Variants in ITFG1 observed in about 807,000 individuals in gnomAD.
ITFG1 encodes integrin alpha FG-GAP repeat containing 1.
A neutral mutation model predicts 81.8 loss-of-function variants in ITFG1; 34 were observed. The ratio of observed to expected loss-of-function variants is 0.42; its 90% CI spans 0.32 to 0.55. The LOEUF (loss-of-function observed/expected upper bound fraction) is 0.55, where lower values mean the gene tolerates loss of function less well. Among genes scored for constraint, ITFG1 ranks in the 20% least tolerant of loss-of-function variants. The pLI is 0.17. For missense variants in ITFG1, 672 were observed against 755.4 expected, an observed-to-expected ratio of 0.89 and a Z score of 1.29; for synonymous variants, 285 against 270.6, an observed-to-expected ratio of 1.05 and a Z score of -0.52.
chr16:47,319,486 T>C (rs1967415814), intron 8 of ITFG1, among the ~76,000 whole-genome samples: 1 of 152,208 alleles, frequency 6.6e-6, no homozygotes, highest in African/African-American at 2.4e-5. Flanking sequence ...GCTTGCAACT[T>C]AATCTCACCA....
rs761951559 is a variant in ITFG1, at chr16:47,155,811, G to GTA, written c.1780-35_1780-34dup. On this transcript the variant is annotated intron_variant, in intron 17 of 17. Transcript: ENST00000320640. ...AGAATTTTAGACTCGTTTATAAATGGTAGAAAGATGTTATGAAAAGACTCA... is the reference window on the plus strand; with the variant it reads ...AGAATTTTAGACTCGTTTATAAATGGTATAGAAAGATGTTATGAAAAGACTCA... The GTA allele has an allele frequency of 4.1e-6, 6 of 1,457,926 alleles. No individual in the cohort carries two copies. The South Asian group carries it at 7.1e-5, about 17-fold the overall frequency. The allele number at this position is 1,457,926 out of a possible 1,614,324, so 90.3% of individuals were successfully genotyped here. A position where few individuals can be genotyped will look rare whatever the true frequency, so the allele number is the denominator to read the frequency against.
intron 14 of ITFG1, among the ~76,000 whole-genome samples, chr16:47,175,911 C>A (rs264329): frequency 6.6e-6 from 1 of 152,052 alleles, no homozygotes; most frequent in African/African-American, 2.4e-5. Context: ...CCACTGTGCC[C>A]GGCTAATGTT....
At chr16:47,361,855 C>A (rs183104321) in intron 8 of ITFG1, among the ~76,000 whole-genome samples, 47 of 152,268 alleles carry the variant, frequency 3.1e-4, no homozygotes, top group Non-Finnish European at 4.3e-4. Context: ...CCCTACTTAG[C>A]CCTCTGTCAA....
Position 47,445,052 on chromosome 16 carries a change from C to T in ITFG1, c.560+6344G>A, listed in dbSNP as rs144532505. Among the ~76,000 whole-genome samples the T allele has an allele frequency of 7.5e-3, 1,118 of 149,618 alleles. 19 individuals are homozygous for T. Among genetic ancestry groups the T allele is most frequent in the African/African-American group, 0.026 (1,061 of 40,598 alleles). On this transcript the variant is annotated intron_variant, in intron 5 of 17. Transcript: ENST00000320640. ...CAGTGCATCCGAATTCAGAATACAT[C>T]AACATGGACCATGATGTCTGCTTTT... is the stretch of plus-strand genomic sequence containing the variant.
Position 47,335,319 on chromosome 16 carries a change from T to C in ITFG1, c.803-21496A>G, listed in dbSNP as rs139083973. On this transcript the variant is annotated intron_variant, in intron 8 of 17. Transcript: ENST00000320640. Reference sequence around the variant, plus strand: ...TTGCTGTGAGCCCAGATCATGCCCATTGCACTCCAGCCTGGGTTGCAAGAG... The same window carrying C: ...TTGCTGTGAGCCCAGATCATGCCCACTGCACTCCAGCCTGGGTTGCAAGAG... Among the ~76,000 whole-genome samples, 670 of 152,030 alleles carry C rather than the reference T, an allele frequency of 4.4e-3. 5 individuals carry two copies. Among genetic ancestry groups the C allele is most frequent in the Non-Finnish European group, 5.7e-3 (387 of 67,978 alleles).
intron 14 of ITFG1, among the ~76,000 whole-genome samples, chr16:47,188,089 C>A (rs1965246692): frequency 6.6e-6 from 1 of 151,074 alleles, no homozygotes; most frequent in Non-Finnish European, 1.5e-5. Context: ...GTTAGAATGG[C>A]AATCATTAAA....
In ITFG1 at chr16:47,161,771, T is replaced by C. The variant is rs1964809587; in HGVS notation, c.1640A>G (p.Tyr547Cys). The C allele has an allele frequency of 6.2e-7, 1 of 1,610,562 alleles. No homozygotes were observed. The highest frequency in any genetic ancestry group is 1.3e-5 in the African/African-American group (1 of 74,840). Residue 547 changes from tyrosine to cysteine, a missense_variant, in exon 16 of 18, where the codon TAC (tyrosine) becomes TGC (cysteine). By Grantham distance (194) the Tyr-to-Cys change is radical. This residue lies in a region of ITFG1 where 65 missense variants were observed against 103.3 expected (regional missense o/e 0.63). Transcript: ENST00000320640. Reference protein sequence around the residue: ...IPNSQLIVIPYPHNVPRSWSA... With the variant: ...IPNSQLIVIPCPHNVPRSWSA... ...TTACCTTCGAGGGACATTGTGAGGG[T>C]ATGGAATGACAATTAGCTGGGAATT...
chr16:47,365,753 A>T (rs1042208081), intron 8 of ITFG1, 35 bp downstream of exon 8: 3 of 1,173,330 alleles, frequency 2.6e-6, no homozygotes, highest in Non-Finnish European at 3.8e-6. Flanking sequence ...TTGGAAAGGC[A>T]AAAGCCTTTT....
chr16:47,179,511 G>A (rs1965073849), intron 14 of ITFG1, among the ~76,000 whole-genome samples: 1 of 152,104 alleles, frequency 6.6e-6, no homozygotes, highest in South Asian at 2.1e-4. Flanking sequence ...TGAGGGGATT[G>A]AAATGTTCTA....
rs1368180818 is a variant in ITFG1 at position 47,183,784 on chromosome 16, G to A, written c.1454-21120C>T. Among the ~76,000 whole-genome samples, 7 of 152,320 alleles carry A rather than the reference G, an allele frequency of 4.6e-5. No individual in the cohort carries two copies. The East Asian group carries it at 7.7e-4, about 17-fold the overall frequency. ...CACTAGCAACGGAACAAAGCTGGAC[G>A]GAGAATGACTTTGACGAGCTGAGAG... is the stretch of plus-strand genomic sequence containing the variant. On this transcript the variant is annotated intron_variant, in intron 14 of 17. Coordinates refer to ENST00000320640, the MANE Select transcript of ITFG1 (RefSeq NM_030790.5).
chr16:47,262,713 T>G (rs530735711), intron 10 of ITFG1: 1 of 152,282 alleles, frequency 6.6e-6, no homozygotes, highest in Non-Finnish European at 1.5e-5. Context: ...GACATGGAAC[T>G]GGTCAGCTAT....
chr16:47,313,764 T>A lies in ITFG1; in HGVS notation c.862A>T (p.Ser288Cys). Residue 288 changes from serine (S) to cysteine (C), a missense_variant, in exon 9 of 18, where the codon AGT becomes TGT. Around this residue, in one of 3 missense-constraint regions of ITFG1, gnomAD observed 560 missense variants for 625.7 expected, o/e 0.90. Coordinates refer to ENST00000320640, the MANE Select transcript of ITFG1 (RefSeq NM_030790.5). ...PGCEDKNCQK[S>C]TIYLVRSGMK... ...CCAGATCTCACTAAGTAGATGGTACTCTTTTGGCAATTTTTATCTTCACAG... is the reference window on the plus strand; with the variant it reads ...CCAGATCTCACTAAGTAGATGGTACACTTTTGGCAATTTTTATCTTCACAG... The A allele has an allele frequency of 1.2e-6, 2 of 1,609,054 alleles. No homozygotes were observed. Among genetic ancestry groups the A allele is most frequent in the Non-Finnish European group, 1.7e-6 (2 of 1,176,720 alleles).
At chr16:47,275,869 T>C (rs1966392783) in intron 10 of ITFG1, among the ~76,000 whole-genome samples, 1 of 152,150 alleles carries the variant, frequency 6.6e-6, no homozygotes, top group Non-Finnish European at 1.5e-5. Flanking sequence ...TAAATTGCTA[T>C]AATCTGTGAT....
chr16:47,189,115 G>C (rs1286949894), intron 14 of ITFG1, among the ~76,000 whole-genome samples: 1 of 152,130 alleles, frequency 6.6e-6, no homozygotes, highest in Non-Finnish European at 1.5e-5. Context: ...TGGAATAAAT[G>C]AAGAAATTGG....
At chr16:47,193,041 C>T (rs901293568) in intron 14 of ITFG1, among the ~76,000 whole-genome samples, 4 of 151,952 alleles carry the variant, frequency 2.6e-5, no homozygotes, top group African/African-American at 7.3e-5. Context: ...TGGTCTGTCC[C>T]GTGTCTTCAT....
At chr16:47,417,606 G>C (rs546452702) in intron 6 of ITFG1, among the ~76,000 whole-genome samples, 1 of 151,982 alleles carries the variant, frequency 6.6e-6, no homozygotes, top group East Asian at 1.9e-4. Flanking sequence ...AACTCTTTTA[G>C]CTCCCATATA....
intron 14 of ITFG1, among the ~76,000 whole-genome samples, chr16:47,180,246 T>C (rs1263224681): frequency 6.6e-6 from 1 of 152,224 alleles, no homozygotes; most frequent in Admixed American, 6.5e-5. Context: ...AGTGATTACG[T>C]GGAAGACATC....
chr16:47,461,095 G>A (rs796106204), upstream of ITFG1: 22 of 1,457,564 alleles, frequency 1.5e-5, no homozygotes, highest in African/African-American at 2.8e-4. Context: ...CTTGACGACA[G>A]CCGCAAAGCA....
At chr16:47,271,252 A>G (rs1374982992) in intron 10 of ITFG1, among the ~76,000 whole-genome samples, 1 of 152,210 alleles carries the variant, frequency 6.6e-6, no homozygotes, top group African/African-American at 2.4e-5. Context: ...TGTATTAAAG[A>G]AATTTTACAA....
Sources: allele counts gnomAD v4.1 joint callset (sites outside exome capture counted in the v4.1 genomes callset), GRCh38; gene constraint gnomAD v4.1.1; regional missense constraint gnomAD v4.1.1; transcripts MANE v1.5; gene names NCBI Gene and HGNC (gene_info 2026-07-23, HGNC 2026-07-21).